Variants in TMEM132D observed in about 807,000 individuals in gnomAD.
TMEM132D encodes the protein mature OL transmembrane protein.
In TMEM132D, 21 loss-of-function variants were observed where a neutral mutation model predicts 62.3. That is an observed-to-expected ratio of 0.34 (90% CI 0.24 to 0.49). The LOEUF is 0.49. Ranked by LOEUF, TMEM132D falls within the 20% of genes least tolerant of loss-of-function variation. The pLI, the probability that TMEM132D is intolerant of heterozygous loss-of-function variation, is 0.99. For missense variants in TMEM132D, 1,346 were observed against 1,402.8 expected, an observed-to-expected ratio of 0.96 and a Z score of 0.65; for synonymous variants, 621 against 575.6, an observed-to-expected ratio of 1.08 and a Z score of -1.13.
Position 129,370,925 on chromosome 12 carries a change from T to C in TMEM132D, c.1116-33108A>G, listed in dbSNP as rs112691324. Among the ~76,000 whole-genome samples the C allele has an allele frequency of 3.0e-3, 459 of 152,168 alleles. 5 individuals carry two copies. Among genetic ancestry groups the C allele is most frequent in the African/African-American group, 0.01 (431 of 41,524 alleles). ...AGAAGTTGGTTAATGAACACAAAAA[T>C]ACAGTTAGATAGAAGAACTATGTTT... On this transcript the variant is annotated intron_variant, in intron 3 of 8. Coordinates refer to ENST00000422113, the MANE Select transcript of TMEM132D (RefSeq NM_133448.3).
chr12:129,082,083 A>C, intron 6 of TMEM132D, 51 bp from the exon 7 acceptor site: 1 of 1,549,758 alleles, frequency 6.5e-7, no homozygotes. Flanking sequence ...GGTCCTCTGT[A>C]AGGGGCCGTG....
intron 5 of TMEM132D, among the ~76,000 whole-genome samples, chr12:129,139,189 C>A (rs1356163303): frequency 6.6e-6 from 1 of 152,152 alleles, no homozygotes; most frequent in Non-Finnish European, 1.5e-5. Flanking sequence ...TGCCCCAGAG[C>A]AAGTGATGGG....
chr12:129,367,173 T>C (rs1164357230), intron 3 of TMEM132D, among the ~76,000 whole-genome samples: 1 of 152,234 alleles, frequency 6.6e-6, no homozygotes, highest in African/African-American at 2.4e-5. Context: ...GAAGCCTCAG[T>C]ACAATTGACG....
At chr12:129,501,714 C>A (rs1875149331) in intron 3 of TMEM132D, among the ~76,000 whole-genome samples, 1 of 151,990 alleles carries the variant, frequency 6.6e-6, no homozygotes, top group African/African-American at 2.4e-5. Context: ...CCATGTTGCC[C>A]AGGCTGGTCT....
chr12:129,818,162 A>ATG (rs1338240969), intron 1 of TMEM132D, among the ~76,000 whole-genome samples: 1 of 112,238 alleles, frequency 8.9e-6, no homozygotes, highest in South Asian at 3.1e-4. Context: ...TATAAGGTGT[A>ATG]TGTGTGTGTG....
At position 129,534,422 on chromosome 12, in the gene TMEM132D, C is replaced by CATATAT. The variant is rs58530324; in HGVS notation, c.969-3223_969-3218dup. Among the ~76,000 whole-genome samples, 194 of 111,780 alleles carry CATATAT rather than the reference C, an allele frequency of 1.7e-3. 1 individual carries two copies. The highest frequency in any genetic ancestry group is 5.4e-3 in the African/African-American group (189 of 35,186). 73.3% of individuals were successfully genotyped at this position (111,780 alleles called of 152,430 possible). ...GCAGGGACTGTGTATATTTTATATA[C>CATATAT]ATATATATATAAAAATATATAAATG... On this transcript the variant is annotated intron_variant, in intron 2 of 8. Transcript: ENST00000422113.
chr12:129,406,205 G>T (rs189050297), intron 3 of TMEM132D, among the ~76,000 whole-genome samples: 60 of 152,286 alleles, frequency 3.9e-4, no homozygotes, highest in South Asian at 1.9e-3. Flanking sequence ...CCAAGTGAAT[G>T]AGACACAAAG....
rs561260292 is a variant in TMEM132D, at chr12:129,547,116, C to T, written c.969-15911G>A. 7.9e-5 allele frequency among the ~76,000 whole-genome samples: 12 copies of T among 152,264 alleles called. No homozygotes were observed. The South Asian group carries it at 1.0e-3, about 13-fold the overall frequency. ...CTAGGGAAGAATCCTCCCATTGCTGCCTCTGCTTCTGGTGGCAACCAGCAC... is the reference window on the plus strand; with the variant it reads ...CTAGGGAAGAATCCTCCCATTGCTGTCTCTGCTTCTGGTGGCAACCAGCAC... On this transcript the variant is annotated intron_variant, in intron 2 of 8. Coordinates refer to ENST00000422113, the MANE Select transcript of TMEM132D (RefSeq NM_133448.3).
chr12:129,738,211 A>G (rs958474728), intron 1 of TMEM132D, among the ~76,000 whole-genome samples: 2 of 152,210 alleles, frequency 1.3e-5, no homozygotes, highest in East Asian at 1.9e-4. Context: ...TTAAGGGGCC[A>G]TGTTATTCCT....
At chr12:129,613,983 G>A (rs537273513) in intron 2 of TMEM132D, among the ~76,000 whole-genome samples, 5 of 151,970 alleles carry the variant, frequency 3.3e-5, no homozygotes, top group African/African-American at 9.7e-5. Flanking sequence ...CAGAACCCGG[G>A]GGACTGGCTG....
intron 2 of TMEM132D, among the ~76,000 whole-genome samples, chr12:129,574,610 A>C (rs1012058613): frequency 4.0e-5 from 6 of 151,864 alleles, no homozygotes; most frequent in Non-Finnish European, 8.8e-5. Context: ...GATGTTATGA[A>C]TGCCCTTCTG....
intron 2 of TMEM132D, among the ~76,000 whole-genome samples, chr12:129,673,431 C>G (rs1011029830): frequency 1.3e-5 from 2 of 152,132 alleles, no homozygotes; most frequent in Admixed American, 6.5e-5. Flanking sequence ...ATGGAAATTT[C>G]AATCATAAAA....
At chr12:129,256,524 T>C (rs7302046) in intron 4 of TMEM132D, among the ~76,000 whole-genome samples, 111,389 of 152,026 alleles carry the variant, frequency 0.73, 41,100 homozygotes, top group South Asian at 0.79. Flanking sequence ...AGCATTCAAG[T>C]GATTCTCCTG....
intron 2 of TMEM132D, among the ~76,000 whole-genome samples, chr12:129,581,794 C>A (rs1344368784): frequency 6.6e-6 from 1 of 152,172 alleles, no homozygotes; most frequent in Non-Finnish European, 1.5e-5. Context: ...CACCCAGGGA[C>A]AATACTTTGC....
intron 1 of TMEM132D, among the ~76,000 whole-genome samples, chr12:129,711,115 G>A (rs1399940615): frequency 6.6e-6 from 1 of 152,142 alleles, no homozygotes; most frequent in Non-Finnish European, 1.5e-5. Context: ...GATCTCACAA[G>A]CATCCAAAAC....
intron 3 of TMEM132D, among the ~76,000 whole-genome samples, chr12:129,515,705 A>G (rs904816367): frequency 2.6e-5 from 4 of 152,150 alleles, no homozygotes; most frequent in Non-Finnish European, 4.4e-5. Context: ...GCCAGGGGGA[A>G]TCTAAACAAG....
In TMEM132D at chr12:129,433,128, C is replaced by A. The variant is rs151125727; in HGVS notation, c.1116-95311G>T. Among the ~76,000 whole-genome samples the A allele has an allele frequency of 4.2e-3, 643 of 152,292 alleles. 5 individuals are homozygous for A. Among genetic ancestry groups the A allele is most frequent in the African/African-American group, 0.015 (618 of 41,560 alleles). On this transcript the variant is annotated intron_variant, in intron 3 of 8. Coordinates refer to ENST00000422113, the MANE Select transcript of TMEM132D (RefSeq NM_133448.3). The stretch of plus-strand genomic sequence containing the variant: ...CACTTCATCTTTGCTGCATACTGTT[C>A]TATGCCACAAGTTACTTATTCATTC...
intron 3 of TMEM132D, among the ~76,000 whole-genome samples, chr12:129,455,332 C>T (rs775265257): frequency 2.0e-5 from 3 of 152,286 alleles, no homozygotes; most frequent in Non-Finnish European, 2.9e-5. Flanking sequence ...GGTACTTAAC[C>T]TTTCTGAGTC....
intron 5 of TMEM132D, among the ~76,000 whole-genome samples, chr12:129,203,757 G>A (rs888684003): frequency 1.3e-5 from 2 of 152,222 alleles, no homozygotes; most frequent in Non-Finnish European, 2.9e-5. Flanking sequence ...AGGACAGGCG[G>A]GCACAACCCC....
Sources: allele counts gnomAD v4.1 joint callset (sites outside exome capture counted in the v4.1 genomes callset), GRCh38; gene constraint gnomAD v4.1.1; transcripts MANE v1.5; gene names NCBI Gene and HGNC (gene_info 2026-07-23, HGNC 2026-07-21).